The following TRAK1 variants were observed in gnomAD, a reference collection of about 807,000 sequenced individuals.
TRAK1 encodes the protein trafficking kinesin protein 1.
Under a neutral mutation model 92.1 loss-of-function variants are expected in TRAK1, and 33 were observed. That is an observed-to-expected ratio of 0.36 (90% CI 0.27 to 0.48). The LOEUF (loss-of-function observed/expected upper bound fraction) is 0.48, where lower values mean the gene tolerates loss of function less well. TRAK1 is among the 20% of genes least tolerant of loss of function. The pLI is 0.99. For synonymous variants in TRAK1, 521 were observed against 517.3 expected, an observed-to-expected ratio of 1.01 and a Z score of -0.10; for missense variants, 1,123 against 1,257.9, an observed-to-expected ratio of 0.89 and a Z score of 1.62.
chr3:42,224,243 G>A lies in TRAK1; in HGVS notation c.*506G>A, dbSNP rs927206342. 9 of 354,894 alleles carry A rather than the reference G, an allele frequency of 2.5e-5. No individual in the cohort carries two copies. Among genetic ancestry groups the A allele is most frequent in the African/African-American group, 1.6e-4 (7 of 44,488 alleles). 22.0% of individuals were successfully genotyped at this position (354,894 alleles called of 1,614,324 possible). ...CCATCCTCAGCCACGTGCAGCTGAC[G>A]TGGCTTTCCTGATCGGAGGGCTTTT... On this transcript the variant is annotated 3_prime_UTR_variant, in exon 16 of 16. Coordinates refer to ENST00000327628, the MANE Select transcript of TRAK1 (RefSeq NM_001042646.3).
rs376036345 is a variant in TRAK1, at chr3:42,184,754, G to A, written c.433G>A (p.Glu145Lys). 5 of 1,614,124 alleles carry A rather than the reference G, an allele frequency of 3.1e-6. No individual in the cohort carries two copies. Among genetic ancestry groups the A allele is most frequent in the Non-Finnish European group, 4.2e-6 (5 of 1,180,026 alleles). Residue 145 changes from glutamate to lysine, a missense_variant, in exon 4 of 16, where the codon GAG becomes AAG. Physicochemically the swap from Glu to Lys is moderately conservative, Grantham distance 56. This residue lies in a region of TRAK1 where 686 missense variants were observed against 747.6 expected (regional missense o/e 0.92). Transcript: ENST00000327628. ...GTTGAAGAAGAACAAGACCCTAACC[G>A]AGAGGAACGAGCTGCTGGAGGAGCA... ...SLLKKNKTLT[E>K]RNELLEEQVE...
chr3:42,138,884 TG>T (rs1698309449), intron 2 of TRAK1, among the ~76,000 whole-genome samples: 2 of 130,830 alleles, frequency 1.5e-5, no homozygotes, highest in Non-Finnish European at 3.6e-5. Flanking sequence ...GGGGTGTGTG[TG>T]TGTGTGTGTG....
chr3:42,036,634 C>T (rs1466105711), intron 1 of TRAK1, among the ~76,000 whole-genome samples: 1 of 152,242 alleles, frequency 6.6e-6, no homozygotes, highest in Non-Finnish European at 1.5e-5. Flanking sequence ...ACTGTTCTGA[C>T]TCATGTCACA....
intron 1 of TRAK1, among the ~76,000 whole-genome samples, chr3:42,103,693 T>A (rs981463404): frequency 3.9e-5 from 6 of 152,100 alleles, no homozygotes; most frequent in Admixed American, 3.9e-4. Flanking sequence ...CTCAAGAGTT[T>A]GAGACCAGAT....
chr3:42,046,369 T>C (rs1030771161), intron 1 of TRAK1, among the ~76,000 whole-genome samples: 2 of 152,064 alleles, frequency 1.3e-5, no homozygotes, highest in Non-Finnish European at 2.9e-5. Flanking sequence ...ACATAATTTT[T>C]ACACCGTTCA....
intron 2 of TRAK1, among the ~76,000 whole-genome samples, chr3:42,140,337 A>G (rs1224316271): frequency 6.6e-6 from 1 of 152,200 alleles, no homozygotes; most frequent in Non-Finnish European, 1.5e-5. Flanking sequence ...CATTTTAAAA[A>G]ATAAAGATCA....
intron 3 of TRAK1, among the ~76,000 whole-genome samples, chr3:42,183,680 C>T (rs1346398736): frequency 6.6e-6 from 1 of 152,058 alleles, no homozygotes; most frequent in African/African-American, 2.4e-5. Flanking sequence ...CCTAGGACTC[C>T]TCCCCAGCAT....
chr3:42,158,190 T>G (rs1389637250), intron 2 of TRAK1, among the ~76,000 whole-genome samples: 5 of 152,254 alleles, frequency 3.3e-5, no homozygotes, highest in Admixed American at 1.3e-4. Flanking sequence ...AGATTTGAAT[T>G]AAAAGATGAG....
chr3:42,159,545 GA>G (rs1164088424), intron 2 of TRAK1, among the ~76,000 whole-genome samples: 2 of 152,202 alleles, frequency 1.3e-5, no homozygotes, highest in South Asian at 2.1e-4. Context: ...TTAGGCTTTA[GA>G]TTTTTTTCTT....
chr3:42,045,551 CAT>C lies in TRAK1; in HGVS notation c.-519+31436_-519+31437del, dbSNP rs371417865. Among the ~76,000 whole-genome samples the C allele has an allele frequency of 9.6e-3, 1,466 of 152,296 alleles. 32 individuals carry two copies. The highest frequency in any genetic ancestry group is 0.033 in the African/African-American group (1,373 of 41,572). The stretch of plus-strand genomic sequence containing the variant: ...CTCAGCCTCAAAAAACCCCAAAAAA[CAT>C]AAACCCATTGTTCTCTGTGAGGTGG... On this transcript the variant is annotated intron_variant, in intron 1 of 16. Coordinates refer to the TRAK1 transcript ENST00000487159.
rs983491656 is a variant in TRAK1, at chr3:42,225,766, T to C, written c.*2029T>C. 11 of 152,256 alleles carry C rather than the reference T, an allele frequency of 7.2e-5. No individual in the cohort carries two copies. The highest frequency in any genetic ancestry group is 2.4e-4 in the African/African-American group (10 of 41,474). The allele number at this position is 152,256 out of a possible 1,614,324, so 9.4% of individuals were successfully genotyped here. On this transcript the variant is annotated 3_prime_UTR_variant, in exon 16 of 16. Transcript: ENST00000327628. ...GTATCAATAAAATAAGTTCAAATGATGGAAACCACACTGGTATTCTGATTT... is the reference window on the plus strand; with the variant it reads ...GTATCAATAAAATAAGTTCAAATGACGGAAACCACACTGGTATTCTGATTT...
chr3:42,118,858 G>A (rs1046626833), intron 1 of TRAK1, among the ~76,000 whole-genome samples: 32 of 152,194 alleles, frequency 2.1e-4, no homozygotes, highest in African/African-American at 7.5e-4. Flanking sequence ...CTGAGCAATT[G>A]AGGGGACATT....
At chr3:42,052,686 C>G (rs1228635869) in intron 1 of TRAK1, among the ~76,000 whole-genome samples, 1 of 152,154 alleles carries the variant, frequency 6.6e-6, no homozygotes, top group African/African-American at 2.4e-5. Context: ...AGTTGGCATA[C>G]TGGGGATTTC....
At chr3:42,176,069 CT>C (rs1703169834) in intron 2 of TRAK1, among the ~76,000 whole-genome samples, 1 of 152,148 alleles carries the variant, frequency 6.6e-6, no homozygotes, top group African/African-American at 2.4e-5. Flanking sequence ...CAAAAGCGTT[CT>C]TTTGTTTCAC....
Position 42,224,510 on chromosome 3 carries a change from A to G in TRAK1, c.*773A>G, listed in dbSNP as rs1374936941. On this transcript the variant is annotated 3_prime_UTR_variant, in exon 16 of 16. Coordinates refer to ENST00000327628, the MANE Select transcript of TRAK1 (RefSeq NM_001042646.3). ...GTTTTATTTTTCCTTTTTTTTACAT[A>G]TATATGCAGGGAAGTAATGGTACTG... 1 of 167,766 alleles carries G rather than the reference A, an allele frequency of 6.0e-6. No homozygotes were observed. The highest frequency in any genetic ancestry group is 1.3e-5 in the Non-Finnish European group (1 of 79,226). 10.4% of individuals were successfully genotyped at this position (167,766 alleles called of 1,614,324 possible). A position where few individuals can be genotyped will look rare whatever the true frequency, so the allele number is the denominator to read the frequency against.
Position 42,202,467 on chromosome 3 carries a change from C to G in TRAK1, c.1459C>G (p.Pro487Ala), listed in dbSNP as rs1707765089. ...TGAGCGGAGTAAGAAGCCGGGGACG[C>G]CGGGCACCCCAGGCTCCCACGACCT... ...NDERSKKPGT[P>A]GTPGSHDLET... Residue 487 changes from proline (P) to alanine (A), a missense_variant, in exon 13 of 16, where the codon CCG (proline) becomes GCG (alanine). Transcript: ENST00000327628. This position sits in a 1 kb window ranked among gnomAD's most constrained non-coding sequence, Gnocchi z 6.1. The G allele has an allele frequency of 6.7e-7, 1 of 1,488,538 alleles. No homozygotes were observed. The highest frequency in any genetic ancestry group is 1.4e-5 in the African/African-American group (1 of 71,038). 92.2% of individuals were successfully genotyped at this position (1,488,538 alleles called of 1,614,324 possible). A position where few individuals can be genotyped will look rare whatever the true frequency, so the allele number is the denominator to read the frequency against.
intron 2 of TRAK1, among the ~76,000 whole-genome samples, chr3:42,129,373 C>G (rs546033056): frequency 9.3e-4 from 142 of 152,222 alleles, no homozygotes; most frequent in African/African-American, 3.4e-3. Context: ...GAGAAGAGGG[C>G]CAGCTACACA....
intron 1 of TRAK1, among the ~76,000 whole-genome samples, chr3:42,099,769 C>T (rs975998380): frequency 1.3e-5 from 2 of 152,308 alleles, no homozygotes; most frequent in East Asian, 3.9e-4. Context: ...GTTGTCATAC[C>T]TTCAGGTTTG....
intron 1 of TRAK1, among the ~76,000 whole-genome samples, chr3:42,080,438 A>C (rs199811684): frequency 6.6e-6 from 1 of 152,160 alleles, no homozygotes; most frequent in East Asian, 1.9e-4. Context: ...TGCTAAGAAA[A>C]ATCCTGCCTT....
Sources: gnomAD v4.1 joint callset for allele counts (sites outside exome capture counted in the v4.1 genomes callset) on GRCh38, gnomAD v4.1.1 for gene constraint, gnomAD v4.1.1 regional missense constraint, Gnocchi (gnomAD v3.1) non-coding constraint, MANE v1.5 for transcripts, NCBI Gene and HGNC (gene_info 2026-07-23, HGNC 2026-07-21) for gene names.